ELAVL2: variants seen among roughly 807,000 people sequenced by gnomAD.
ELAVL2 encodes ELAV-like protein 2.
A neutral mutation model predicts 34.6 loss-of-function variants in ELAVL2; 4 were observed. The observed-to-expected ratio is 0.12, with a 90% CI of 0.06 to 0.26. The LOEUF is 0.26. Ranked by LOEUF, ELAVL2 falls within the 10% of genes least tolerant of loss-of-function variation. The pLI is 1.00. For synonymous variants in ELAVL2, 193 were observed against 154.8 expected (o/e 1.25, Z -1.83); for missense variants, 432 against 442.8 (o/e 0.98, Z 0.22).
chr9:23,692,507 G>C lies in ELAVL2; in HGVS notation c.*50C>G, dbSNP rs1228867980. Reference sequence around the variant, plus strand: ...TAATGTATAAAGTTTCTCTTAACTTGCCTTTGTTGTATAGTTTTCATATAT... The same window carrying C: ...TAATGTATAAAGTTTCTCTTAACTTCCCTTTGTTGTATAGTTTTCATATAT... On this transcript the variant is annotated 3_prime_UTR_variant, in exon 7 of 7. Transcript: ENST00000397312. The C allele has an allele frequency of 6.5e-7, 1 of 1,536,648 alleles. No homozygotes were observed. Among genetic ancestry groups the C allele is most frequent in the Non-Finnish European group, 8.8e-7 (1 of 1,139,792 alleles).
At chr9:23,740,825 T>C (rs2048982759) in intron 2 of ELAVL2, among the ~76,000 whole-genome samples, 1 of 152,204 alleles carries the variant, frequency 6.6e-6, no homozygotes, top group Non-Finnish European at 1.5e-5. Flanking sequence ...CAGAAAGCAG[T>C]TCTTATGGCT....
intron 3 of ELAVL2, among the ~76,000 whole-genome samples, chr9:23,724,474 C>G (rs1286312245): frequency 1.3e-5 from 2 of 152,140 alleles, no homozygotes; most frequent in African/African-American, 2.4e-5. Context: ...CTTGGGCTAC[C>G]TACCCACATT....
intron 3 of ELAVL2, among the ~76,000 whole-genome samples, chr9:23,709,336 G>A (rs1587485150): frequency 6.6e-6 from 1 of 152,060 alleles, no homozygotes; most frequent in East Asian, 1.9e-4. Context: ...GCTGATAGTG[G>A]GATAAGGACT....
chr9:23,712,902 A>G (rs887206317), intron 3 of ELAVL2, among the ~76,000 whole-genome samples: 29 of 152,328 alleles, frequency 1.9e-4, no homozygotes, highest in East Asian at 1.9e-4. Context: ...GAAAAATAAA[A>G]AGTGTTTTGG....
intron 1 of ELAVL2, among the ~76,000 whole-genome samples, chr9:23,788,511 G>A (rs1170506865): frequency 6.6e-6 from 1 of 152,032 alleles, no homozygotes; most frequent in African/African-American, 2.4e-5. Flanking sequence ...TCTAAACTGG[G>A]CCCAGTAAGA....
At chr9:23,769,594 G>A (rs991168833) in intron 1 of ELAVL2, among the ~76,000 whole-genome samples, 1 of 152,112 alleles carries the variant, frequency 6.6e-6, no homozygotes. Flanking sequence ...AATGTCAAAG[G>A]ATTTATTCAA....
intron 2 of ELAVL2, among the ~76,000 whole-genome samples, chr9:23,733,241 G>GAT (rs2047035837): frequency 6.7e-6 from 1 of 149,092 alleles, no homozygotes; most frequent in Non-Finnish European, 1.5e-5. Flanking sequence ...AAAATAGATA[G>GAT]ATATATATAC....
intron 1 of ELAVL2, among the ~76,000 whole-genome samples, chr9:23,809,566 T>A (rs1165846909): frequency 6.6e-6 from 1 of 152,202 alleles, no homozygotes; most frequent in Non-Finnish European, 1.5e-5. Context: ...TACCTATCAT[T>A]CATGATTTAC....
intron 2 of ELAVL2, among the ~76,000 whole-genome samples, chr9:23,735,771 G>A (rs1342288656): frequency 1.3e-5 from 2 of 152,198 alleles, no homozygotes. Flanking sequence ...AAGGAGAACA[G>A]TTATAAACAG....
rs181551214 is a variant in ELAVL2, at chr9:23,784,019, C to G, written c.-15-21770G>C. Among the ~76,000 whole-genome samples, 272 of 151,970 alleles carry G rather than the reference C, an allele frequency of 1.8e-3. 2 individuals carry two copies. The highest frequency in any genetic ancestry group is 6.3e-3 in the African/African-American group (263 of 41,442). ...ACCATCCTGGCTAACACGGTGAAACCCCGTCTCTACTAAAAAAAATACAAA... is the reference window on the plus strand; with the variant it reads ...ACCATCCTGGCTAACACGGTGAAACGCCGTCTCTACTAAAAAAAATACAAA... On this transcript the variant is annotated intron_variant, in intron 1 of 6. Transcript: ENST00000397312.
chr9:23,726,290 A>G (rs958897046), intron 3 of ELAVL2, among the ~76,000 whole-genome samples: 5 of 152,130 alleles, frequency 3.3e-5, no homozygotes, highest in African/African-American at 1.2e-4. Context: ...ATGTGGTTAA[A>G]TTGTGGTTTA....
chr9:23,832,598 C>G, the ELAVL2 span, among the ~76,000 whole-genome samples: 1 of 152,014 alleles, frequency 6.6e-6, no homozygotes, highest in South Asian at 2.1e-4. Context: ...CGTTGGTGTC[C>G]ATTTATGAGG....
At chr9:23,748,108 G>A (rs138930624) in intron 2 of ELAVL2, among the ~76,000 whole-genome samples, 90 of 151,528 alleles carry the variant, frequency 5.9e-4, no homozygotes, top group African/African-American at 2.1e-3. Flanking sequence ...AAAAAGAAAT[G>A]GCTCTGTCCT....
chr9:23,769,326 T>C (rs967252790), intron 1 of ELAVL2, among the ~76,000 whole-genome samples: 4 of 152,188 alleles, frequency 2.6e-5, no homozygotes, highest in African/African-American at 4.8e-5. Context: ...AGCTTATAGA[T>C]GACAGCTGGG....
At chr9:23,771,276 T>C (rs1190827180) in intron 1 of ELAVL2, among the ~76,000 whole-genome samples, 5 of 152,110 alleles carry the variant, frequency 3.3e-5, no homozygotes, top group South Asian at 2.1e-4. Context: ...AAATCCATTG[T>C]CAAAAAACTG....
chr9:23,813,425 T>C (rs1465992543), intron 1 of ELAVL2, among the ~76,000 whole-genome samples: 7 of 152,030 alleles, frequency 4.6e-5, no homozygotes, highest in Admixed American at 2.0e-4. Context: ...TTTTTTTTTT[T>C]TTTTACAACA....
intron 2 of ELAVL2, among the ~76,000 whole-genome samples, chr9:23,757,632 G>A (rs1184635640): frequency 6.6e-6 from 1 of 151,846 alleles, no homozygotes; most frequent in Non-Finnish European, 1.5e-5. Context: ...AACGCAAAGG[G>A]ATGGACTAAA....
intron 3 of ELAVL2, among the ~76,000 whole-genome samples, chr9:23,725,355 A>G (rs1043734519): frequency 6.6e-6 from 1 of 152,114 alleles, no homozygotes; most frequent in Non-Finnish European, 1.5e-5. Context: ...TGGTTCCCCT[A>G]TCAACTGCTT....
chr9:23,741,186 C>T (rs540882295), intron 2 of ELAVL2, among the ~76,000 whole-genome samples: 36 of 152,142 alleles, frequency 2.4e-4, no homozygotes, highest in African/African-American at 8.4e-4. Flanking sequence ...GTAATAGGAA[C>T]ATGGAGAAGA....
Sources: gnomAD v4.1 joint callset for allele counts (sites outside exome capture counted in the v4.1 genomes callset) on GRCh38, gnomAD v4.1.1 for gene constraint, MANE v1.5 for transcripts, NCBI Gene and HGNC (gene_info 2026-07-23, HGNC 2026-07-21) for gene names.